Variants in FAM78A observed in about 807,000 individuals in gnomAD.
FAM78A encodes protein FAM78A.
In FAM78A, 12 loss-of-function variants were observed where a neutral mutation model predicts 22.6. The observed-to-expected ratio is 0.53, with a 90% CI of 0.34 to 0.86. FAM78A has a LOEUF of 0.86. Ranked by LOEUF, FAM78A falls within the 40% of genes least tolerant of loss-of-function variation. FAM78A has a pLI of 0.02. For missense variants in FAM78A, 322 were observed against 396.1 expected, an observed-to-expected ratio of 0.81 and a Z score of 1.59; for synonymous variants, 151 against 155.8, an observed-to-expected ratio of 0.97 and a Z score of 0.23.
rs570991431 is a variant in FAM78A at position 131,274,923 on chromosome 9, G to C, written c.323+934C>G. On this transcript the variant is annotated intron_variant, in intron 1 of 1. Transcript: ENST00000372271. The surrounding 1 kb of genome is among the most constrained non-coding windows in gnomAD (Gnocchi z 4.2). Reference sequence around the variant, plus strand: ...CCGCATGGGTGGGCTGCCCGCCGGGGCCTGCCTAGCTCTCTCCAAAGGGTC... The same window carrying C: ...CCGCATGGGTGGGCTGCCCGCCGGGCCCTGCCTAGCTCTCTCCAAAGGGTC... Among the ~76,000 whole-genome samples the C allele has an allele frequency of 1.6e-4, 25 of 152,330 alleles. No individual in the cohort carries two copies. Among genetic ancestry groups the C allele is most frequent in the African/African-American group, 6.0e-4 (25 of 41,572 alleles).
chr9:131,259,805 A>G lies in FAM78A; in HGVS notation c.*1017T>C, dbSNP rs1221350422. 3 of 152,878 alleles carry G rather than the reference A, an allele frequency of 2.0e-5. No homozygotes were observed. The highest frequency in any genetic ancestry group is 7.2e-5 in the African/African-American group (3 of 41,476). The allele number at this position is 152,878 out of a possible 1,614,324, so 9.5% of individuals were successfully genotyped here. On this transcript the variant is annotated 3_prime_UTR_variant, in exon 2 of 2. Transcript: ENST00000372271. ...GGCCGGCCCCCAGGCATTTGGGACCAGTGTGGATGGAGAAGGAAAAAGCCA... is the reference window on the plus strand; with the variant it reads ...GGCCGGCCCCCAGGCATTTGGGACCGGTGTGGATGGAGAAGGAAAAAGCCA...
upstream of FAM78A, among the ~76,000 whole-genome samples, chr9:131,280,572 C>T (rs895302156): frequency 2.6e-5 from 4 of 152,152 alleles, no homozygotes; most frequent in Non-Finnish European, 5.9e-5. Flanking sequence ...GACACGGCCC[C>T]ATCCCCCACC....
chr9:131,270,999 GT>G (rs201271955), intron 1 of FAM78A, among the ~76,000 whole-genome samples: 35,340 of 131,338 alleles, frequency 0.27, 6,132 homozygotes, highest in East Asian at 0.49. Flanking sequence ...TTTCCCACCA[GT>G]CTTTTTTTTT....
Position 131,261,214 on chromosome 9 carries a change from A to T in FAM78A, c.460T>A (p.Phe154Ile). The T allele has an allele frequency of 6.2e-7, 1 of 1,613,016 alleles. No homozygotes were observed. The highest frequency in any genetic ancestry group is 8.5e-7 in the Non-Finnish European group (1 of 1,179,884). The change falls in exon 2 of 2, where the codon TTC becomes ATC. Residue 154 changes from phenylalanine (F) to isoleucine (I), a missense_variant. Transcript: ENST00000372271. The surrounding 1 kb of genome is among the most constrained non-coding windows in gnomAD (Gnocchi z 7.1). ...IVGPTKRDSK[F>I]IISMNDNFYP... ...AAGTTGTCATTCATGCTGATGATGA[A>T]CTTGGAGTCCCTCTTGGTGGGGCCC...
Position 131,274,021 on chromosome 9 carries a change from G to T in FAM78A, c.323+1836C>A, listed in dbSNP as rs1216846701. On this transcript the variant is annotated intron_variant, in intron 1 of 1. Transcript: ENST00000372271. This position sits in a 1 kb window ranked among gnomAD's most constrained non-coding sequence, Gnocchi z 4.2. ...CCAGGACTGCGACAGGGAGGGCAGG[G>T]TTGTCTCAGGTCCCAGTCTCAGGCC... Among the ~76,000 whole-genome samples the T allele has an allele frequency of 1.3e-5, 2 of 152,248 alleles. No homozygotes were observed. Among genetic ancestry groups the T allele is most frequent in the Non-Finnish European group, 2.9e-5 (2 of 68,040 alleles).
intron 1 of FAM78A, among the ~76,000 whole-genome samples, chr9:131,268,431 G>A (rs891469834): frequency 6.6e-6 from 1 of 151,852 alleles, no homozygotes; most frequent in Non-Finnish European, 1.5e-5. Context: ...TGGAGGTCTC[G>A]CCTCCCACAG....
chr9:131,270,366 T>C, intron 1 of FAM78A: 1 of 717,586 alleles, frequency 1.4e-6, no homozygotes, highest in Non-Finnish European at 2.6e-6. Context: ...GACTGATCTT[T>C]TTCAATGCAC....
rs774424599 is a variant in FAM78A at position 131,272,035 on chromosome 9, A to T, written c.323+3822T>A. On this transcript the variant is annotated intron_variant, in intron 1 of 1. Coordinates refer to ENST00000372271, the MANE Select transcript of FAM78A (RefSeq NM_033387.4). The surrounding 1 kb of genome is among the most constrained non-coding windows in gnomAD (Gnocchi z 4.1). ...TATTGAGATGGTGGTTTTTTTTTTTAATTGTTCCATTTCAAATATTTCAAA... is the reference window on the plus strand; with the variant it reads ...TATTGAGATGGTGGTTTTTTTTTTTTATTGTTCCATTTCAAATATTTCAAA... 1.3e-4 allele frequency among the ~76,000 whole-genome samples: 19 copies of T among 151,460 alleles called. 1 individual carries two copies. The highest frequency in any genetic ancestry group is 4.1e-4 in the African/African-American group (17 of 41,316).
At chr9:131,280,705 G>A (rs961275581), upstream of FAM78A, among the ~76,000 whole-genome samples, 1 of 152,226 alleles carries the variant, frequency 6.6e-6, no homozygotes, top group Non-Finnish European at 1.5e-5. Flanking sequence ...CACACAGCAA[G>A]TCAGAAGTAG....
At chr9:131,266,338 TGCACA>T (rs1835345108) in intron 1 of FAM78A, among the ~76,000 whole-genome samples, 1 of 152,182 alleles carries the variant, frequency 6.6e-6, no homozygotes, top group Non-Finnish European at 1.5e-5. Context: ...TGTGCACACG[TGCACA>T]GCACAAGCAC....
rs1010879048 is a variant in FAM78A at position 131,272,963 on chromosome 9, TA to T, written c.323+2893del. Among the ~76,000 whole-genome samples, 4 of 151,488 alleles carry T rather than the reference TA, an allele frequency of 2.6e-5. No individual in the cohort carries two copies. Among genetic ancestry groups the T allele is most frequent in the African/African-American group, 4.9e-5 (2 of 41,192 alleles). Reference sequence around the variant, plus strand: ...TAAATAAATAAAAATAAATAAAAATTAAAAAAAAGATAACTAAATCCCACCT... The same window carrying T: ...TAAATAAATAAAAATAAATAAAAATTAAAAAAAGATAACTAAATCCCACCT... On this transcript the variant is annotated intron_variant, in intron 1 of 1. Transcript: ENST00000372271. This position sits in a 1 kb window ranked among gnomAD's most constrained non-coding sequence, Gnocchi z 4.1.
Position 131,265,200 on chromosome 9 carries a change from G to T in FAM78A, c.324-3850C>A, listed in dbSNP as rs1171328094. On this transcript the variant is annotated intron_variant, in intron 1 of 1. Transcript: ENST00000372271. The surrounding 1 kb of genome is among the most constrained non-coding windows in gnomAD (Gnocchi z 4.3). Reference sequence around the variant, plus strand: ...TTCTGTTCTCTTAGTAGTTGTCCTTGAAATTTTCCGATTATTTTTAACTTA... The same window carrying T: ...TTCTGTTCTCTTAGTAGTTGTCCTTTAAATTTTCCGATTATTTTTAACTTA... Among the ~76,000 whole-genome samples, 1 of 152,106 alleles carries T rather than the reference G, an allele frequency of 6.6e-6. No homozygotes were observed. The highest frequency in any genetic ancestry group is 1.9e-4 in the East Asian group (1 of 5,188).
At chr9:131,271,993 T>C (rs989254949) in intron 1 of FAM78A, among the ~76,000 whole-genome samples, 8 of 151,972 alleles carry the variant, frequency 5.3e-5, no homozygotes, top group Non-Finnish European at 8.8e-5. Flanking sequence ...CAGCTCTGTC[T>C]GCAAAAGTCA....
In FAM78A at chr9:131,270,635, C is replaced by T. The variant is rs562073584; in HGVS notation, c.323+5222G>A. 134 of 667,198 alleles carry T rather than the reference C, an allele frequency of 2.0e-4. 2 individuals are homozygous for T. Among genetic ancestry groups the T allele is most frequent in the African/African-American group, 1.3e-3 (71 of 56,292 alleles). 41.3% of individuals were successfully genotyped at this position (667,198 alleles called of 1,614,324 possible). A position where few individuals can be genotyped will look rare whatever the true frequency, so the allele number is the denominator to read the frequency against. On this transcript the variant is annotated intron_variant, in intron 1 of 1. Coordinates refer to ENST00000372271, the MANE Select transcript of FAM78A (RefSeq NM_033387.4). ...CTCCCACCCACCCCGCCCTTGCCTC[C>T]GCCAGGGCCCAGCAGATGGGGGAGG...
Position 131,276,028 on chromosome 9 carries a change from G to C in FAM78A, c.152C>G (p.Pro51Arg). The part of the protein sequence containing the change: ...IDVKASIDPV[P>R]TSIDESSSVV... ...GCTGGAGGACTCATCGATGCTAGTG[G>C]GGACGGGGTCGATGGAGGCTTTCAC... The change falls in exon 1 of 2, where the codon CCC becomes CGC. Residue 51 changes from proline to arginine, a missense_variant. Physicochemically the swap from Pro to Arg is moderately radical, Grantham distance 103. Transcript: ENST00000372271. This position sits in a 1 kb window ranked among gnomAD's most constrained non-coding sequence, Gnocchi z 4.3. 1 of 1,613,746 alleles carries C rather than the reference G, an allele frequency of 6.2e-7. No individual in the cohort carries two copies. Among genetic ancestry groups the C allele is most frequent in the Non-Finnish European group, 8.5e-7 (1 of 1,180,024 alleles).
intron 1 of FAM78A, chr9:131,264,838 C>T (rs1381509800): frequency 3.9e-6 from 2 of 516,840 alleles, no homozygotes; most frequent in Non-Finnish European, 6.9e-6. Context: ...ATTCTTCTGC[C>T]TCAGCCTCCT....
chr9:131,267,751 A>T (rs1386342021), intron 1 of FAM78A, among the ~76,000 whole-genome samples: 1 of 152,224 alleles, frequency 6.6e-6, no homozygotes, highest in Non-Finnish European at 1.5e-5. Context: ...ACAGATAAAG[A>T]CTTGAGGCTC....
At position 131,271,704 on chromosome 9, in the gene FAM78A, C is replaced by T. The variant is rs115734281; in HGVS notation, c.323+4153G>A. Among the ~76,000 whole-genome samples the T allele has an allele frequency of 4.8e-3, 734 of 152,380 alleles. 10 individuals carry two copies. The highest frequency in any genetic ancestry group is 0.017 in the African/African-American group (708 of 41,580). Reference sequence around the variant, plus strand: ...AACTGCCCCTGACCTTGGCCTTGGCCATGGGCGTGGCTGTGGGCCAGGTTC... The same window carrying T: ...AACTGCCCCTGACCTTGGCCTTGGCTATGGGCGTGGCTGTGGGCCAGGTTC... On this transcript the variant is annotated intron_variant, in intron 1 of 1. Coordinates refer to ENST00000372271, the MANE Select transcript of FAM78A (RefSeq NM_033387.4).
At chr9:131,267,022 C>T in intron 1 of FAM78A, among the ~76,000 whole-genome samples, 1 of 152,232 alleles carries the variant, frequency 6.6e-6, no homozygotes, top group Admixed American at 6.5e-5. Context: ...TCCCTGAGCA[C>T]ACGGGCTGCG....
Sources: gnomAD v4.1 joint callset for allele counts (sites outside exome capture counted in the v4.1 genomes callset) on GRCh38, gnomAD v4.1.1 for gene constraint, Gnocchi (gnomAD v3.1) non-coding constraint, MANE v1.5 for transcripts, NCBI Gene and HGNC (gene_info 2026-07-23, HGNC 2026-07-21) for gene names.